TBC1D20: variants seen among roughly 807,000 people sequenced by gnomAD.
TBC1D20 encodes chromosome 20 open reading frame 140.
Under a neutral mutation model 41.6 loss-of-function variants are expected in TBC1D20, and 12 were observed. The ratio of observed to expected loss-of-function variants is 0.29; its 90% CI spans 0.18 to 0.47. The LOEUF (loss-of-function observed/expected upper bound fraction) is 0.47. TBC1D20 is among the 20% of genes least tolerant of loss of function. The pLI is 1.00. For synonymous variants in TBC1D20, 205 were observed against 204.8 expected (o/e 1.00, Z -0.01); for missense variants, 421 against 517.4 (o/e 0.81, Z 1.81).
rs1250241260 is a variant in TBC1D20 at position 438,562 on chromosome 20, T to G, written c.*24A>C. The G allele has an allele frequency of 1.2e-6, 2 of 1,611,558 alleles. No homozygotes were observed. The highest frequency in any genetic ancestry group is 4.5e-5 in the East Asian group (2 of 44,808). On this transcript the variant is annotated 3_prime_UTR_variant, in exon 8 of 8. Coordinates refer to ENST00000354200, the MANE Select transcript of TBC1D20 (RefSeq NM_144628.4). ...GGAAGGGTGAGACCTTAATGTGATG[T>G]AAGAGGAAGGTCTTCTCTGGCTTTC...
At chr20:457,515 C>A (rs1027809546) in intron 1 of TBC1D20, among the ~76,000 whole-genome samples, 4 of 152,208 alleles carry the variant, frequency 2.6e-5, no homozygotes, top group African/African-American at 9.7e-5. Flanking sequence ...AGCCACCACA[C>A]TGGGCTCTGG....
intron 1 of TBC1D20, among the ~76,000 whole-genome samples, chr20:457,802 C>T (rs1023430176): frequency 6.6e-6 from 1 of 152,186 alleles, no homozygotes; most frequent in Admixed American, 6.5e-5. Context: ...GGCCTGAGGG[C>T]CATCCTTTGG....
intron 2 of TBC1D20, among the ~76,000 whole-genome samples, chr20:446,006 A>C (rs1441093247): frequency 3.3e-5 from 5 of 152,264 alleles, no homozygotes; most frequent in African/African-American, 1.2e-4. Context: ...CTCAACACCT[A>C]CTGGGTGACA....
chr20:438,607 A>C lies in TBC1D20; in HGVS notation c.1191T>G (p.Phe397Leu). 1.9e-6 allele frequency: 3 copies of C among 1,614,036 alleles called. No homozygotes were observed. The highest frequency in any genetic ancestry group is 2.5e-6 in the Non-Finnish European group (3 of 1,179,868). The change falls in exon 8 of 8, where the codon TTT becomes TTG. Residue 397 changes from phenylalanine (F) to leucine (L), a missense_variant. Physicochemically the swap from Phe to Leu is conservative, Grantham distance 22. Coordinates refer to ENST00000354200, the MANE Select transcript of TBC1D20 (RefSeq NM_144628.4). ...VKSALEWAPK[F>L]QLQLFP is the part of the protein sequence containing the mutation. ...GCTTTCAGGGAAACAGCTGCAGCTG[A>C]AACTTAGGGGCCCATTCCAGGGCAC...
At chr20:453,022 G>A (rs1185705074) in intron 1 of TBC1D20, among the ~76,000 whole-genome samples, 1 of 151,154 alleles carries the variant, frequency 6.6e-6, no homozygotes, top group African/African-American at 2.4e-5. Context: ...GGTGGCACAG[G>A]CCGGTAATGC....
chr20:451,039 A>G (rs890101995), intron 1 of TBC1D20, among the ~76,000 whole-genome samples: 1 of 152,226 alleles, frequency 6.6e-6, no homozygotes, highest in Non-Finnish European at 1.5e-5. Flanking sequence ...AATGTTACAC[A>G]AGACAACACC....
intron 1 of TBC1D20, among the ~76,000 whole-genome samples, chr20:461,252 G>A (rs2017624185): frequency 6.6e-6 from 1 of 152,152 alleles, no homozygotes; most frequent in Admixed American, 6.5e-5. Flanking sequence ...TAACTGTCAT[G>A]TATTTATTGA....
At chr20:452,610 C>G (rs935279272) in intron 1 of TBC1D20, among the ~76,000 whole-genome samples, 4 of 152,194 alleles carry the variant, frequency 2.6e-5, no homozygotes, top group Non-Finnish European at 5.9e-5. Context: ...GAGCAATACC[C>G]TATTATCAAG....
At chr20:441,362 A>G (rs2017226196) in intron 5 of TBC1D20, 1 of 531,516 alleles carries the variant, frequency 1.9e-6, no homozygotes, top group Admixed American at 3.1e-5. Context: ...TCTCCCCACT[A>G]GATGTAAACT....
chr20:446,891 G>A (rs549391366), intron 2 of TBC1D20, among the ~76,000 whole-genome samples: 7 of 149,452 alleles, frequency 4.7e-5, no homozygotes, highest in Non-Finnish European at 7.4e-5. Flanking sequence ...CTCAGCCTCC[G>A]AAAGTGCTGG....
intron 1 of TBC1D20, among the ~76,000 whole-genome samples, chr20:453,182 A>C (rs1330381243): frequency 8.1e-6 from 1 of 123,224 alleles, no homozygotes; most frequent in Non-Finnish European, 1.7e-5. Context: ...AAAAAAAAAA[A>C]AAAAAACAGG....
chr20:453,068 C>T (rs2017472655), intron 1 of TBC1D20, among the ~76,000 whole-genome samples: 1 of 142,324 alleles, frequency 7.0e-6, no homozygotes, highest in African/African-American at 2.7e-5. Flanking sequence ...ATCGCTTGAA[C>T]CCAGGGGGCG....
At chr20:440,582 C>T in intron 5 of TBC1D20, 193 bp from the exon 6 acceptor site, 1 of 652,960 alleles carries the variant, frequency 1.5e-6, no homozygotes. Context: ...ACACTAACAC[C>T]ACAACAGGGT....
chr20:455,127 C>A (rs950023209), intron 1 of TBC1D20, among the ~76,000 whole-genome samples: 1 of 152,166 alleles, frequency 6.6e-6, no homozygotes, highest in African/African-American at 2.4e-5. Context: ...AACTTTTCAC[C>A]TCGGTAAACC....
Position 462,339 on chromosome 20 carries a change from C to A in TBC1D20, c.67G>T (p.Ala23Ser), listed in dbSNP as rs1474090635. The change falls in exon 1 of 8, where the codon GCA (alanine) becomes TCA (serine). Residue 23 changes from alanine (A) to serine (S), a missense_variant. Ala to Ser is a moderately conservative substitution (Grantham distance 99). Transcript: ENST00000354200. ...SGHWDGGAEK[A>S]DFNAKRKKKV... ...GCGCCCCGGTCGGCTTCCGTACCTG[C>A]CTTCTCCGCGCCGCCGTCCCAGTGG... 92 of 1,305,646 alleles carry A rather than the reference C, an allele frequency of 7.0e-5. No individual in the cohort carries two copies. Among genetic ancestry groups the A allele is most frequent in the Non-Finnish European group, 8.8e-5 (90 of 1,017,218 alleles). 80.9% of individuals were successfully genotyped at this position (1,305,646 alleles called of 1,614,324 possible). A position where few individuals can be genotyped will look rare whatever the true frequency, so the allele number is the denominator to read the frequency against.
chr20:460,008 A>G (rs1166746650), intron 1 of TBC1D20, among the ~76,000 whole-genome samples: 2 of 152,168 alleles, frequency 1.3e-5, no homozygotes, highest in Non-Finnish European at 1.5e-5. Context: ...GCCTCCTCTA[A>G]AAGTTTTTTC....
intron 5 of TBC1D20, chr20:440,636 A>C: frequency 2.4e-6 from 1 of 419,440 alleles, no homozygotes; most frequent in East Asian, 4.2e-5. Flanking sequence ...CTGGCCAACA[A>C]ATGTCAACTA....
chr20:446,514 T>A (rs1240435641), intron 2 of TBC1D20, among the ~76,000 whole-genome samples: 1 of 152,048 alleles, frequency 6.6e-6, no homozygotes, highest in Non-Finnish European at 1.5e-5. Flanking sequence ...CTAATTTTTG[T>A]ATTTTTAGTA....
At chr20:453,655 C>T (rs1310612405) in intron 1 of TBC1D20, among the ~76,000 whole-genome samples, 2 of 138,548 alleles carry the variant, frequency 1.4e-5, no homozygotes, top group Admixed American at 7.3e-5. Context: ...AAGTGATTCT[C>T]CTGCCTCAGT....
Sources: allele counts gnomAD v4.1 joint callset (sites outside exome capture counted in the v4.1 genomes callset), GRCh38; gene constraint gnomAD v4.1.1; transcripts MANE v1.5; gene names NCBI Gene and HGNC (gene_info 2026-07-23, HGNC 2026-07-21).